The following ZC4H2 variants were observed in gnomAD, a reference collection of about 807,000 sequenced individuals.
ZC4H2 encodes zinc finger C4H2 domain-containing protein.
For synonymous variants in ZC4H2, 84 were observed against 66.3 expected (o/e 1.27, Z -1.30); for missense variants, 137 against 173.9 (o/e 0.79, Z 1.19).
chrX:65,018,880 T>G (rs1932815112), intron 1 of ZC4H2, among the ~76,000 whole-genome samples: 1 of 110,992 alleles, frequency 9.0e-6, no homozygotes, highest in South Asian at 3.8e-4. Context: ...GAGGCTTGAG[T>G]AGGCAGTTTT....
At chrX:64,946,116 C>T (rs770395534) in intron 1 of ZC4H2, among the ~76,000 whole-genome samples, 1 of 109,868 alleles carries the variant, frequency 9.1e-6, no homozygotes, top group South Asian at 3.9e-4. Flanking sequence ...GTTCCAGGTG[C>T]CCCTGGCGTG....
intron 1 of ZC4H2, among the ~76,000 whole-genome samples, chrX:65,004,626 T>C (rs1156319952): frequency 1.8e-5 from 2 of 111,948 alleles, no homozygotes; most frequent in African/African-American, 3.3e-5. Flanking sequence ...TCCAATATTG[T>C]ACTATATGGG....
At chrX:65,011,279 T>G (rs956084303) in intron 1 of ZC4H2, among the ~76,000 whole-genome samples, 1 of 111,721 alleles carries the variant, frequency 9.0e-6, no homozygotes, top group African/African-American at 3.3e-5. Flanking sequence ...GTCGCTTAGC[T>G]AAGTGACTGA....
intron 1 of ZC4H2, among the ~76,000 whole-genome samples, chrX:65,022,719 C>A (rs933247320): frequency 1.5e-4 from 17 of 111,571 alleles, no homozygotes; most frequent in African/African-American, 5.2e-4. Flanking sequence ...AATTAAAATA[C>A]CTAGGAATAC....
At chrX:64,985,796 C>A (rs991888814) in intron 1 of ZC4H2, among the ~76,000 whole-genome samples, 1 of 111,744 alleles carries the variant, frequency 8.9e-6, no homozygotes, top group African/African-American at 3.3e-5. Context: ...CAGAGGCATG[C>A]TGGTTGCTAG....
intron 1 of ZC4H2, among the ~76,000 whole-genome samples, chrX:64,931,549 G>A (rs765082573): frequency 1.3e-4 from 15 of 111,403 alleles, no homozygotes; most frequent in Non-Finnish European, 2.8e-4. Flanking sequence ...TGTAAGCTGT[G>A]TAACTATTAT....
At position 64,947,514 on chromosome X, in the gene ZC4H2, G is replaced by T. The variant is rs188625189; in HGVS notation, c.54-25526C>A. 5.2e-3 allele frequency among the ~76,000 whole-genome samples: 580 copies of T among 112,239 alleles called. 2 individuals are homozygous for T. The highest frequency in any genetic ancestry group is 0.017 in the African/African-American group (538 of 30,964). On this transcript the variant is annotated intron_variant, in intron 1 of 4. Coordinates refer to ENST00000374839, the MANE Select transcript of ZC4H2 (RefSeq NM_018684.4). ...TTCTTCCATAATAAATTAAAATTAG[G>T]TTATTGTAATGCTTTTACTTTATAA...
intron 1 of ZC4H2, among the ~76,000 whole-genome samples, chrX:64,948,414 C>T (rs180937361): frequency 9.0e-6 from 1 of 111,519 alleles, no homozygotes; most frequent in East Asian, 2.8e-4. Context: ...CCCTTTGTTT[C>T]ACATTTTTTT....
chrX:64,981,989 T>C (rs1932091906), intron 1 of ZC4H2, among the ~76,000 whole-genome samples: 1 of 111,476 alleles, frequency 9.0e-6, no homozygotes, highest in African/African-American at 3.3e-5. Context: ...ACCTACCCAA[T>C]GTCACTGACC....
intron 1 of ZC4H2, among the ~76,000 whole-genome samples, chrX:64,924,214 C>T (rs935085005): frequency 6.3e-5 from 7 of 111,895 alleles, no homozygotes; most frequent in Non-Finnish European, 1.3e-4. Flanking sequence ...AAGAAGCATG[C>T]GCTTTAGACT....
chrX:64,973,406 T>A (rs992118513), intron 1 of ZC4H2, among the ~76,000 whole-genome samples: 3 of 110,686 alleles, frequency 2.7e-5, no homozygotes, highest in Non-Finnish European at 5.7e-5. Flanking sequence ...CCACTTTACA[T>A]GCTTGAATGA....
intron 1 of ZC4H2, among the ~76,000 whole-genome samples, chrX:64,930,228 A>C (rs1929679802): frequency 8.9e-6 from 1 of 111,986 alleles, no homozygotes; most frequent in African/African-American, 3.2e-5. Flanking sequence ...TTGTATCCTG[A>C]GACTTTACTG....
chrX:65,033,729 ACTACT>A (rs1430906971), intron 1 of ZC4H2, among the ~76,000 whole-genome samples: 1 of 112,220 alleles, frequency 8.9e-6, no homozygotes, highest in Non-Finnish European at 1.9e-5. Context: ...AATCCTCATA[ACTACT>A]CTATAGGTAT....
At chrX:64,968,193 A>G (rs1032980703) in intron 1 of ZC4H2, among the ~76,000 whole-genome samples, 1 of 112,212 alleles carries the variant, frequency 8.9e-6, no homozygotes, top group Non-Finnish European at 1.9e-5. Context: ...TGCTATCAAA[A>G]TTTAATCTTC....
Position 64,921,791 on chromosome X carries a change from G to C in ZC4H2, c.225+26C>G, listed in dbSNP as rs755832098. 5.8e-6 allele frequency: 7 copies of C among 1,204,745 alleles called. No individual in the cohort carries two copies. The South Asian group carries it at 1.3e-4, about 22-fold the overall frequency. ...CACTACCTCTTTCTCAAAGGCTTTA[G>C]AGATAGGCTCCAGGCAGCCACGTAC... On this transcript the variant is annotated intron_variant, in intron 2 of 4. Coordinates refer to ENST00000374839, the MANE Select transcript of ZC4H2 (RefSeq NM_018684.4).
chrX:64,925,692 C>T (rs1472994696), intron 1 of ZC4H2, among the ~76,000 whole-genome samples: 1 of 112,110 alleles, frequency 8.9e-6, no homozygotes, highest in Non-Finnish European at 1.9e-5. Flanking sequence ...GGGCAAGAGA[C>T]ATTAATGCCA....
chrX:65,005,646 C>A (rs778301759), intron 1 of ZC4H2, among the ~76,000 whole-genome samples: 2 of 111,301 alleles, frequency 1.8e-5, no homozygotes, highest in Non-Finnish European at 3.8e-5. Context: ...GACATAGGCA[C>A]GGGCAAAGAC....
chrX:64,927,284 GC>G (rs1929468212), intron 1 of ZC4H2, among the ~76,000 whole-genome samples: 1 of 109,266 alleles, frequency 9.2e-6, no homozygotes, highest in African/African-American at 3.3e-5. Context: ...CCCTACCCTA[GC>G]CCCCCACCCC....
chrX:65,003,793 C>G (rs762597072), intron 1 of ZC4H2, among the ~76,000 whole-genome samples: 1 of 108,944 alleles, frequency 9.2e-6, no homozygotes, highest in South Asian at 4.1e-4. Context: ...AGGAGAATGG[C>G]GTGAACCCCG....
Sources: allele counts gnomAD v4.1 joint callset (sites outside exome capture counted in the v4.1 genomes callset), GRCh38; gene constraint gnomAD v4.1.1; transcripts MANE v1.5; gene names NCBI Gene and HGNC (gene_info 2026-07-23, HGNC 2026-07-21).